Variants in FAM234A observed in about 807,000 individuals in gnomAD.
FAM234A encodes the protein family with sequence similarity 234 member A.
A neutral mutation model predicts 49.1 loss-of-function variants in FAM234A; 42 were observed. That is an observed-to-expected ratio of 0.86 (90% confidence interval 0.67 to 1.11). The LOEUF is 1.11. Among genes scored for constraint, FAM234A ranks in the 50% least tolerant of loss-of-function variants. FAM234A has a pLI of 0.00. For synonymous variants in FAM234A, 369 were observed against 316.2 expected, an observed-to-expected ratio of 1.17 and a Z score of -1.77; for missense variants, 815 against 745.2, an observed-to-expected ratio of 1.09 and a Z score of -1.09.
chr16:245,000 C>A (rs2050756735), intron 1 of FAM234A, among the ~76,000 whole-genome samples: 1 of 151,902 alleles, frequency 6.6e-6, no homozygotes, highest in South Asian at 2.1e-4. Flanking sequence ...CCAATAACTA[C>A]CATTTCAAAT....
chr16:268,806 TGGAC>T, downstream of FAM234A: 1 of 1,550,396 alleles, frequency 6.4e-7, no homozygotes, highest in Admixed American at 2.0e-5. Flanking sequence ...GAGAGGCTCT[TGGAC>T]GGGGCAGAGC....
chr16:242,786 G>A lies in FAM234A; in HGVS notation c.-139-6763G>A, dbSNP rs567416780. On this transcript the variant is annotated intron_variant, in intron 1 of 12. Coordinates refer to ENST00000399932, the MANE Select transcript of FAM234A (RefSeq NM_032039.4). Reference sequence around the variant, plus strand: ...CATCACCACGCCTGGTTAATTTTTTGTATTTTTAGTAGAGATGGAGTTTCA... The same window carrying A: ...CATCACCACGCCTGGTTAATTTTTTATATTTTTAGTAGAGATGGAGTTTCA... 2.6e-5 allele frequency among the ~76,000 whole-genome samples: 4 copies of A among 151,692 alleles called. No homozygotes were observed. The East Asian group carries it at 7.8e-4, about 30-fold the overall frequency.
Position 262,539 on chromosome 16 carries a change from G to A in FAM234A, c.957G>A (p.Arg319=), listed in dbSNP as rs759923424. ...WESMLNATTR[R]MLSHSSGAVR... ...GCATGCTCAATGCCACCACCCGCAG[G>A]ATGCTTTCCCACAGGTGGGTCCGGG... The change falls in exon 8 of 13, where the codon AGG becomes AGA. Residue 319 remains arginine, a synonymous_variant. Coordinates refer to ENST00000399932, the MANE Select transcript of FAM234A (RefSeq NM_032039.4). 1 of 1,606,242 alleles carries A rather than the reference G, an allele frequency of 6.2e-7. No individual in the cohort carries two copies. The highest frequency in any genetic ancestry group is 1.1e-5 in the South Asian group (1 of 90,330).
downstream of FAM234A, among the ~76,000 whole-genome samples, chr16:267,745 A>G (rs1389086919): frequency 6.8e-6 from 1 of 147,300 alleles, no homozygotes; most frequent in Non-Finnish European, 1.5e-5. Flanking sequence ...CCTCAGTGCT[A>G]CACATGCCTC....
chr16:240,305 C>T (rs35760290), intron 1 of FAM234A: 34,766 of 152,094 alleles, frequency 0.23, 5,313 homozygotes, highest in Non-Finnish European at 0.33. Context: ...CTTTTAAGTT[C>T]TCTTTCATCC....
chr16:251,888 A>G (rs1474576812), intron 2 of FAM234A, among the ~76,000 whole-genome samples: 2 of 150,232 alleles, frequency 1.3e-5, no homozygotes, highest in African/African-American at 4.9e-5. Flanking sequence ...CCATAGTCCC[A>G]GCTATTCGGG....
chr16:248,464 T>G (rs987300520), intron 1 of FAM234A: 1 of 152,034 alleles, frequency 6.6e-6, no homozygotes, highest in African/African-American at 2.4e-5. Flanking sequence ...ACCATTCTAG[T>G]CACATTTTTT....
At chr16:260,668 G>A (rs2051428779) in intron 5 of FAM234A, 1 of 471,734 alleles carries the variant, frequency 2.1e-6, no homozygotes, top group South Asian at 1.5e-5. Flanking sequence ...GTGTGTGTGG[G>A]CTCCTTGCAC....
At chr16:262,050 G>A in intron 6 of FAM234A, 43 bp from the exon 7 acceptor site, 1 of 1,531,318 alleles carries the variant, frequency 6.5e-7, no homozygotes, top group Non-Finnish European at 8.7e-7. Flanking sequence ...TGCAGCCCCA[G>A]GCTCAGGTCC....
chr16:258,649 C>G (rs1008917276), intron 3 of FAM234A, among the ~76,000 whole-genome samples: 1 of 152,192 alleles, frequency 6.6e-6, no homozygotes, highest in Admixed American at 6.5e-5. Context: ...CATCATGGCC[C>G]GTTCTCAATG....
In FAM234A at chr16:244,386, C is replaced by T. The variant is rs149509636; in HGVS notation, c.-139-5163C>T. ...ATTTCTTCAGGCTACCACAAAACTC[C>T]ACTATTGATATTCTTCCAAAAATAA... On this transcript the variant is annotated intron_variant, in intron 1 of 12. Transcript: ENST00000399932. 6.1e-3 allele frequency among the ~76,000 whole-genome samples: 932 copies of T among 152,234 alleles called. 7 individuals carry two copies. The highest frequency in any genetic ancestry group is 0.021 in the African/African-American group (884 of 41,532).
rs1232605963 is a variant in FAM234A at position 265,319 on chromosome 16, C to T, written c.*297C>T. The T allele has an allele frequency of 8.3e-7, 1 of 1,203,460 alleles. No homozygotes were observed. The highest frequency in any genetic ancestry group is 1.6e-5 in the African/African-American group (1 of 64,482). 74.5% of individuals were successfully genotyped at this position (1,203,460 alleles called of 1,614,324 possible). ...CCAGGCAGCCTTCATAGTGGTCTCC[C>T]TGGCCACCTTGGGCAGAGCTGGGTC... On this transcript the variant is annotated 3_prime_UTR_variant, in exon 13 of 13. Coordinates refer to ENST00000399932, the MANE Select transcript of FAM234A (RefSeq NM_032039.4).
Position 258,366 on chromosome 16 carries a change from A to G in FAM234A, c.269-1117A>G, listed in dbSNP as rs571868931. 7.6e-4 allele frequency among the ~76,000 whole-genome samples: 115 copies of G among 152,252 alleles called. 1 individual carries two copies. In the East Asian group the frequency reaches 0.013, roughly 18 times the overall value. ...GGAGTGGTGATGACTCTTAACGAGC[A>G]TGCTGCCTTCAAGCATCTGTTTAAC... On this transcript the variant is annotated intron_variant, in intron 3 of 12. Coordinates refer to ENST00000399932, the MANE Select transcript of FAM234A (RefSeq NM_032039.4).
In FAM234A at chr16:261,653, T is replaced by C. The variant is rs2051472651; in HGVS notation, c.708+139T>C. On this transcript the variant is annotated intron_variant, in intron 6 of 12. Transcript: ENST00000399932. The stretch of plus-strand genomic sequence containing the variant: ...CGGGGACTCGCCCAGAGCCCCACGT[T>C]CCCAACTCCCATAGACCCAGCATAC... The C allele has an allele frequency of 1.1e-5, 11 of 1,030,792 alleles. No homozygotes were observed. In the South Asian group the frequency reaches 1.8e-4, roughly 17 times the overall value. 63.9% of individuals were successfully genotyped at this position (1,030,792 alleles called of 1,614,324 possible).
At chr16:258,747 C>G (rs1157191270) in intron 3 of FAM234A, among the ~76,000 whole-genome samples, 3 of 152,288 alleles carry the variant, frequency 2.0e-5, no homozygotes, top group Middle Eastern at 3.4e-3. Flanking sequence ...AGAGGCGCCC[C>G]TCACCTCCCG....
At chr16:243,114 G>C (rs2050678057) in intron 1 of FAM234A, among the ~76,000 whole-genome samples, 1 of 151,766 alleles carries the variant, frequency 6.6e-6, no homozygotes, top group Non-Finnish European at 1.5e-5. Flanking sequence ...CCAGGTAGCT[G>C]GGACTACAAG....
chr16:268,619 C>CG (rs137924642), downstream of FAM234A: 958 of 681,268 alleles, frequency 1.4e-3, 16 homozygotes, highest in East Asian at 0.025. Context: ...GTCTATAAAT[C>CG]GGGGGGGAGG....
In FAM234A at chr16:260,144, A is replaced by G. The variant is rs758957503; in HGVS notation, c.561A>G (p.Ala187=). The G allele has an allele frequency of 2.2e-5, 35 of 1,613,566 alleles. No individual in the cohort carries two copies. The highest frequency in any genetic ancestry group is 2.9e-5 in the Non-Finnish European group (34 of 1,180,018). ...ILVGRPSSFI[A]VNLFTGETLW... ...TGGGCAGACCCAGTTCTTTCATTGCAGTCAACTTGTTCACAGGTAGGCCAG... is the reference window on the plus strand; with the variant it reads ...TGGGCAGACCCAGTTCTTTCATTGCGGTCAACTTGTTCACAGGTAGGCCAG... Residue 187 remains alanine, a synonymous_variant, in exon 5 of 13, where the codon GCA becomes GCG. Transcript: ENST00000399932.
At chr16:254,754 C>T in intron 3 of FAM234A, 73 bp downstream of exon 3, 1 of 1,473,292 alleles carries the variant, frequency 6.8e-7, no homozygotes, top group East Asian at 2.3e-5. Context: ...GGGGGCAGAA[C>T]TGTGTCTGCG....
Sources: gnomAD v4.1 joint callset for allele counts (sites outside exome capture counted in the v4.1 genomes callset) on GRCh38, gnomAD v4.1.1 for gene constraint, MANE v1.5 for transcripts, NCBI Gene and HGNC (gene_info 2026-07-23, HGNC 2026-07-21) for gene names.